The following IQSEC1 variants were observed in gnomAD, a reference collection of about 807,000 sequenced individuals.
IQSEC1 encodes IQ motif and Sec7 domain ArfGEF 1.
IQSEC1 carries 31 observed loss-of-function variants against 91.0 expected under a neutral mutation model. The ratio of observed to expected loss-of-function variants is 0.34; its 90% CI spans 0.26 to 0.46. The LOEUF (loss-of-function observed/expected upper bound fraction) is 0.46. Ranked by LOEUF, IQSEC1 falls within the 20% of genes least tolerant of loss-of-function variation. The pLI is 1.00. For synonymous variants in IQSEC1, 699 were observed against 662.6 expected, an observed-to-expected ratio of 1.05 and a Z score of -0.84; for missense variants, 1,388 against 1,575.6, an observed-to-expected ratio of 0.88 and a Z score of 2.02.
At chr3:12,989,965 T>C (rs571292547) in intron 1 of IQSEC1, among the ~76,000 whole-genome samples, 1 of 152,182 alleles carries the variant, frequency 6.6e-6, no homozygotes, top group Admixed American at 6.5e-5. Flanking sequence ...GGATTAGCCA[T>C]AAGATGCTCA....
At position 12,909,191 on chromosome 3, in the gene IQSEC1, A is replaced by G; in HGVS notation, c.2578+82T>C. The G allele has an allele frequency of 6.9e-7, 1 of 1,443,810 alleles. No individual in the cohort carries two copies. The highest frequency in any genetic ancestry group is 1.2e-5 in the South Asian group (1 of 80,890). 89.4% of individuals were successfully genotyped at this position (1,443,810 alleles called of 1,614,324 possible). On this transcript the variant is annotated intron_variant, in intron 11 of 13. Transcript: ENST00000613206. This position sits in a 1 kb window ranked among gnomAD's most constrained non-coding sequence, Gnocchi z 4.9. The stretch of plus-strand genomic sequence containing the variant: ...GGGGACATCTTGTCTCTGTGAGCTC[A>G]GAAGTCACTGCCCTGACATGGGGAG...
chr3:13,276,714 C>A lies in IQSEC1; in HGVS notation c.272+5997G>T, dbSNP rs549506580. 2.4e-4 allele frequency among the ~76,000 whole-genome samples: 37 copies of A among 152,350 alleles called. No individual in the cohort carries two copies. In the South Asian group the frequency reaches 7.2e-3, roughly 30 times the overall value. On this transcript the variant is annotated intron_variant, in intron 1 of 15. Coordinates refer to the IQSEC1 transcript ENST00000648114. ...AAAGGCATTGGCAACCTCAAGGCAG[C>A]AGCCGTTTCCCGATGAAAACAGAAG...
chr3:12,967,674 C>T lies in IQSEC1; in HGVS notation c.24-25809G>A. Reference sequence around the variant, plus strand: ...CCCAGGCCAGCCAAGCCCGCCCCTCCGCCGCCGCCCGCTTGGCGCAGCGCG... The same window carrying T: ...CCCAGGCCAGCCAAGCCCGCCCCTCTGCCGCCGCCCGCTTGGCGCAGCGCG... On this transcript the variant is annotated intron_variant, in intron 1 of 13. Transcript: ENST00000613206. The surrounding 1 kb of genome is among the most constrained non-coding windows in gnomAD (Gnocchi z 5.9). 2 of 1,169,252 alleles carry T rather than the reference C, an allele frequency of 1.7e-6. No individual in the cohort carries two copies. The highest frequency in any genetic ancestry group is 2.1e-6 in the Non-Finnish European group (2 of 948,998). 72.4% of individuals were successfully genotyped at this position (1,169,252 alleles called of 1,614,324 possible).
intron 2 of IQSEC1, among the ~76,000 whole-genome samples, chr3:13,146,153 ATT>A (rs529843720): frequency 6.5e-5 from 9 of 137,674 alleles, no homozygotes; most frequent in African/African-American, 1.3e-4. Flanking sequence ...ACACTCAGCT[ATT>A]TTTTTTTTTT....
At chr3:13,256,844 C>A (rs529376912) in intron 1 of IQSEC1, among the ~76,000 whole-genome samples, 1 of 152,058 alleles carries the variant, frequency 6.6e-6, no homozygotes, top group Non-Finnish European at 1.5e-5. Context: ...AGAGGGAGAG[C>A]CTCACCTACC....
chr3:12,901,060 G>A lies in IQSEC1; in HGVS notation c.3268C>T (p.His1090Tyr). 1.3e-6 allele frequency: 2 copies of A among 1,542,182 alleles called. No individual in the cohort carries two copies. The highest frequency in any genetic ancestry group is 1.2e-5 in the South Asian group (1 of 83,950). The change falls in exon 14 of 14, where the codon CAC becomes TAC. Residue 1090 changes from histidine (H) to tyrosine (Y), a missense_variant. This residue lies in a region of IQSEC1 where 329 missense variants were observed against 257.8 expected (regional missense o/e 1.28). Transcript: ENST00000613206. The stretch of plus-strand genomic sequence containing the variant: ...GGCGGGGCAGGGGGCTGCCCATGGT[G>A]GTGCACTGTGTGCCCCACGTGGGCC... ...PSAHVGHTVH[H>Y]HGQPPAPPPP...
chr3:12,900,940 T>C lies in IQSEC1; in HGVS notation c.*43A>G. ...CGACCCCCGGGCGTGCCCTGTGTGG[T>C]GTGCAGGTGTTTCAGGGAGCCTGGG... is the stretch of plus-strand genomic sequence containing the variant. On this transcript the variant is annotated 3_prime_UTR_variant, in exon 14 of 14. Coordinates refer to ENST00000613206, the MANE Select transcript of IQSEC1 (RefSeq NM_001134382.3). 6.5e-7 allele frequency: 1 copy of C among 1,539,018 alleles called. No individual in the cohort carries two copies. The highest frequency in any genetic ancestry group is 8.7e-7 in the Non-Finnish European group (1 of 1,146,600).
intron 1 of IQSEC1, among the ~76,000 whole-genome samples, chr3:13,180,860 T>A (rs1056572783): frequency 6.6e-6 from 1 of 151,814 alleles, no homozygotes; most frequent in Non-Finnish European, 1.5e-5. Context: ...CATTCGAACA[T>A]CAGAAGGAAC....
At chr3:13,118,565 C>CAA (rs892748431) in intron 2 of IQSEC1, among the ~76,000 whole-genome samples, 5 of 152,172 alleles carry the variant, frequency 3.3e-5, no homozygotes, top group Non-Finnish European at 7.3e-5. Flanking sequence ...CACAAAAGAA[C>CAA]AAATACTGAA....
intron 1 of IQSEC1, among the ~76,000 whole-genome samples, chr3:12,953,458 G>A (rs536724866): frequency 5.1e-4 from 78 of 152,338 alleles, no homozygotes; most frequent in African/African-American, 1.8e-3. Context: ...TATCTTTAAC[G>A]ACTGTCACCC....
At chr3:13,066,732 G>A (rs1475207518) in intron 1 of IQSEC1, among the ~76,000 whole-genome samples, 1 of 152,220 alleles carries the variant, frequency 6.6e-6, no homozygotes, top group Admixed American at 6.5e-5. Flanking sequence ...CTGTATCCAG[G>A]AGCCGCTCTG....
upstream of IQSEC1, among the ~76,000 whole-genome samples, chr3:13,077,055 G>T (rs1237095183): frequency 1.4e-5 from 2 of 147,872 alleles, no homozygotes; most frequent in African/African-American, 5.0e-5. Flanking sequence ...TAAAGACAAG[G>T]TCTCACTATG....
At chr3:12,966,674 C>T (rs1385284445) in intron 1 of IQSEC1, among the ~76,000 whole-genome samples, 1 of 152,154 alleles carries the variant, frequency 6.6e-6, no homozygotes, top group Admixed American at 6.5e-5. Flanking sequence ...CAGGTGCACA[C>T]GCATCACCAC....
intron 1 of IQSEC1, among the ~76,000 whole-genome samples, chr3:13,213,851 C>T (rs771020652): frequency 6.6e-6 from 1 of 152,134 alleles, no homozygotes; most frequent in Non-Finnish European, 1.5e-5. Context: ...ATGGCCATCA[C>T]CTGCCCACCT....
chr3:13,215,477 T>C (rs912467603), intron 1 of IQSEC1, among the ~76,000 whole-genome samples: 21 of 152,208 alleles, frequency 1.4e-4, no homozygotes, highest in African/African-American at 5.1e-4. Context: ...TGCAAGAGTT[T>C]CGTTTAAAAT....
chr3:13,135,148 C>T (rs772287112), intron 2 of IQSEC1, among the ~76,000 whole-genome samples: 5 of 152,222 alleles, frequency 3.3e-5, no homozygotes, highest in Non-Finnish European at 5.9e-5. Flanking sequence ...CATGTGAATG[C>T]GGGCTGCCTT....
chr3:13,069,237 G>A (rs1411933647), intron 1 of IQSEC1, among the ~76,000 whole-genome samples: 2 of 152,084 alleles, frequency 1.3e-5, no homozygotes, highest in Non-Finnish European at 2.9e-5. Flanking sequence ...CTGGGCCTCC[G>A]GTTCCCTCCC....
intron 1 of IQSEC1, among the ~76,000 whole-genome samples, chr3:13,017,820 A>G (rs537798688): frequency 4.8e-4 from 73 of 152,182 alleles, no homozygotes; most frequent in African/African-American, 1.6e-3. Context: ...AAGGGAATTT[A>G]TGTGTGCTCC....
At chr3:12,939,266 C>T (rs576171510) in intron 2 of IQSEC1, among the ~76,000 whole-genome samples, 2 of 152,358 alleles carry the variant, frequency 1.3e-5, no homozygotes, top group Non-Finnish European at 1.5e-5. Flanking sequence ...CCGGCCCTCA[C>T]TTGTCCCTTC....
Sources: gnomAD v4.1 joint callset for allele counts (sites outside exome capture counted in the v4.1 genomes callset) on GRCh38, gnomAD v4.1.1 for gene constraint, gnomAD v4.1.1 regional missense constraint, Gnocchi (gnomAD v3.1) non-coding constraint, MANE v1.5 for transcripts, NCBI Gene and HGNC (gene_info 2026-07-23, HGNC 2026-07-21) for gene names.